Variants in CDH4 observed in about 807,000 individuals in gnomAD.
The protein encoded by CDH4 is cadherin-4.
A neutral mutation model predicts 86.0 loss-of-function variants in CDH4; 33 were observed. The observed-to-expected ratio is 0.38, with a 90% CI of 0.29 to 0.51. CDH4 has a LOEUF of 0.51. CDH4 is among the 20% of genes least tolerant of loss of function. The probability of loss-of-function intolerance (pLI) is 0.86; values close to 1 mark genes in which losing one functional copy is unlikely to be tolerated. For synonymous variants in CDH4, 555 were observed against 549.4 expected (o/e 1.01, Z -0.14); for missense variants, 1,114 against 1,307.4 (o/e 0.85, Z 2.28).
rs1311404408 is a variant in CDH4, at chr20:61,743,698, T to C, written c.305T>C (p.Val102Ala). 6.2e-7 allele frequency: 1 copy of C among 1,610,208 alleles called. No individual in the cohort carries two copies. The highest frequency in any genetic ancestry group is 8.5e-7 in the Non-Finnish European group (1 of 1,178,542). ...QVPSEQVAFTVTAWDSQTAEK... is the reference protein window; with the variant it reads ...QVPSEQVAFTATAWDSQTAEK... ...CCCTCCGAGCAGGTGGCGTTCACGG[T>C]GACTGCATGGGACAGCCAGACAGCA... is the stretch of plus-strand genomic sequence containing the variant. Residue 102 changes from valine (V) to alanine (A), a missense_variant, in exon 3 of 16, where the codon GTG becomes GCG. By Grantham distance (64) the Val-to-Ala change is moderately conservative (BLOSUM62 0). Coordinates refer to ENST00000614565, the MANE Select transcript of CDH4 (RefSeq NM_001794.5).
At chr20:61,758,504 G>A (rs78362940) in intron 3 of CDH4, among the ~76,000 whole-genome samples, 13,481 of 152,160 alleles carry the variant, frequency 0.089, 680 homozygotes, top group African/African-American at 0.1. Flanking sequence ...GAGGAGTTAG[G>A]GGCAGAGGGG....
chr20:61,705,963 C>G (rs974698415), intron 2 of CDH4, among the ~76,000 whole-genome samples: 1 of 152,230 alleles, frequency 6.6e-6, no homozygotes, highest in African/African-American at 2.4e-5. Flanking sequence ...CCGCTTCCTT[C>G]TCTTAAAGGC....
At chr20:61,343,165 C>T (rs778580643) in intron 2 of CDH4, among the ~76,000 whole-genome samples, 1 of 152,180 alleles carries the variant, frequency 6.6e-6, no homozygotes, top group African/African-American at 2.4e-5. Flanking sequence ...GCTGGTGACA[C>T]GCACATTTGC....
At chr20:61,888,003 A>G (rs1984623958) in intron 7 of CDH4, among the ~76,000 whole-genome samples, 1 of 152,208 alleles carries the variant, frequency 6.6e-6, no homozygotes, top group South Asian at 2.1e-4. Flanking sequence ...TCAATTTCCA[A>G]ATCTGTCCTG....
chr20:61,801,758 C>A (rs1177346707), intron 4 of CDH4, among the ~76,000 whole-genome samples: 1 of 152,372 alleles, frequency 6.6e-6, no homozygotes, highest in Admixed American at 6.5e-5. Flanking sequence ...CAGCCTCTCT[C>A]TGCTTTCTTT....
chr20:61,817,711 G>A (rs765086265), intron 4 of CDH4, among the ~76,000 whole-genome samples: 2 of 152,210 alleles, frequency 1.3e-5, no homozygotes, highest in African/African-American at 2.4e-5. Flanking sequence ...GCATCCACAC[G>A]TGCCGCCTGC....
At chr20:61,385,302 A>G (rs2084944874) in intron 2 of CDH4, among the ~76,000 whole-genome samples, 1 of 152,086 alleles carries the variant, frequency 6.6e-6, no homozygotes, top group South Asian at 2.1e-4. Flanking sequence ...AAGACCATCC[A>G]CCTGGATGGG....
chr20:61,387,640 A>T (rs374108584), intron 2 of CDH4, among the ~76,000 whole-genome samples: 1 of 152,218 alleles, frequency 6.6e-6, no homozygotes, highest in African/African-American at 2.4e-5. Flanking sequence ...AGACACACAA[A>T]CACATCCCGA....
intron 2 of CDH4, among the ~76,000 whole-genome samples, chr20:61,270,529 T>G (rs369452428): frequency 5.9e-5 from 9 of 152,346 alleles, no homozygotes; most frequent in African/African-American, 2.2e-4. Context: ...ACAATGACTT[T>G]TTCCTTAAAG....
intron 4 of CDH4, among the ~76,000 whole-genome samples, chr20:61,786,488 G>T (rs1008943616): frequency 1.3e-5 from 2 of 152,226 alleles, no homozygotes; most frequent in African/African-American, 4.8e-5. Context: ...TTAATTGCTC[G>T]TGTGAAAGGA....
intron 2 of CDH4, among the ~76,000 whole-genome samples, chr20:61,482,128 A>G (rs955937271): frequency 1.3e-5 from 2 of 152,180 alleles, no homozygotes; most frequent in African/African-American, 4.8e-5. Context: ...GTATTATTCA[A>G]GTTGCTGAAA....
intron 2 of CDH4, among the ~76,000 whole-genome samples, chr20:61,414,396 T>A (rs1048164404): frequency 1.3e-5 from 2 of 152,156 alleles, no homozygotes; most frequent in Non-Finnish European, 1.5e-5. Flanking sequence ...CTGCTTTCAC[T>A]GTGGTGTGAG....
intron 2 of CDH4, among the ~76,000 whole-genome samples, chr20:61,467,998 T>C (rs935786609): frequency 6.6e-6 from 1 of 152,168 alleles, no homozygotes; most frequent in East Asian, 1.9e-4. Flanking sequence ...TGTTGTCTTC[T>C]CCCCATGGAA....
At chr20:61,752,006 A>C (rs1475817095) in intron 3 of CDH4, among the ~76,000 whole-genome samples, 1 of 152,252 alleles carries the variant, frequency 6.6e-6, no homozygotes, top group Non-Finnish European at 1.5e-5. Flanking sequence ...AGCGTGAAAC[A>C]CGGGAAAGAA....
intron 2 of CDH4, among the ~76,000 whole-genome samples, chr20:61,320,783 C>T (rs2084503640): frequency 6.6e-6 from 1 of 151,874 alleles, no homozygotes; most frequent in Admixed American, 6.6e-5. Context: ...GGAAAGGGGC[C>T]TGGGCAAAGG....
intron 2 of CDH4, among the ~76,000 whole-genome samples, chr20:61,502,830 A>G (rs1344821770): frequency 1.3e-5 from 2 of 152,196 alleles, no homozygotes. Flanking sequence ...TGAATTGGAG[A>G]CATCAAATAA....
At chr20:61,330,489 C>G (rs1045511027) in intron 2 of CDH4, among the ~76,000 whole-genome samples, 1 of 152,166 alleles carries the variant, frequency 6.6e-6, no homozygotes, top group Non-Finnish European at 1.5e-5. Context: ...TAGGTTGTCC[C>G]TTGTGATGGT....
At chr20:61,400,309 G>C (rs918603052) in intron 2 of CDH4, among the ~76,000 whole-genome samples, 6 of 152,174 alleles carry the variant, frequency 3.9e-5, no homozygotes, top group African/African-American at 9.7e-5. Flanking sequence ...AGGAGTTATA[G>C]TTATTGGAAA....
intron 4 of CDH4, among the ~76,000 whole-genome samples, chr20:61,825,233 C>T (rs1670902824): frequency 6.6e-6 from 1 of 151,978 alleles, no homozygotes; most frequent in East Asian, 1.9e-4. Context: ...ATGGTGAAAC[C>T]CCATCTCTAC....
Sources: allele counts gnomAD v4.1 joint callset (sites outside exome capture counted in the v4.1 genomes callset), GRCh38; gene constraint gnomAD v4.1.1; transcripts MANE v1.5; gene names NCBI Gene and HGNC (gene_info 2026-07-23, HGNC 2026-07-21).